Variants in NPM1 observed in about 807,000 individuals in gnomAD.
The protein encoded by NPM1 is nucleophosmin 1, also known as nucleophosmin.
NPM1 carries 1 observed loss-of-function variant against 44.1 expected under a neutral mutation model. The observed-to-expected ratio is 0.02, with a 90% CI of 0.01 to 0.11. The LOEUF (loss-of-function observed/expected upper bound fraction) is 0.11, where lower values mean the gene tolerates loss of function less well. Ranked by LOEUF, NPM1 falls within the 10% of genes least tolerant of loss-of-function variation. The pLI is 1.00. For synonymous variants in NPM1, 126 were observed against 111.8 expected (o/e 1.13, Z -0.80); for missense variants, 197 against 347.8 (o/e 0.57, Z 3.45).
chr5:171,389,025 AAC>A (rs1770431387), intron 1 of NPM1, among the ~76,000 whole-genome samples: 1 of 152,220 alleles, frequency 6.6e-6, no homozygotes, highest in Non-Finnish European at 1.5e-5. Context: ...AAATACAAGA[AAC>A]ACGTAGAGTG....
At chr5:171,397,220 A>T (rs1422400543) in intron 6 of NPM1, among the ~76,000 whole-genome samples, 1 of 152,190 alleles carries the variant, frequency 6.6e-6, no homozygotes, top group African/African-American at 2.4e-5. Context: ...ATGTTATAGC[A>T]TTATCAGTAC....
intron 8 of NPM1, among the ~76,000 whole-genome samples, chr5:171,401,802 A>C (rs1301543841): frequency 6.6e-6 from 1 of 152,188 alleles, no homozygotes. Context: ...GTCTGCATAG[A>C]GTAGAAGTTC....
At position 171,410,509 on chromosome 5, in the gene NPM1, CTTTT is replaced by C. The variant is rs34323200; in HGVS notation, c.847-8_847-5del. On this transcript the variant is annotated splice_polypyrimidine_tract_variant and intron_variant, in intron 10 of 10. Transcript: ENST00000296930. Reference sequence around the variant, plus strand: ...GTGTTGTGGTTCCTTAACCACATTTCTTTTTTTTTTTTTCCAGGCTATTCAAGAT... The same window carrying C: ...GTGTTGTGGTTCCTTAACCACATTTCTTTTTTTTTCCAGGCTATTCAAGAT... The C allele has an allele frequency of 9.8e-6, 12 of 1,230,116 alleles. No homozygotes were observed. Among genetic ancestry groups the C allele is most frequent in the Admixed American group, 6.8e-5 (3 of 43,858 alleles). 76.2% of individuals were successfully genotyped at this position (1,230,116 alleles called of 1,614,324 possible).
At chr5:171,407,629 A>G in intron 9 of NPM1, 71 bp from the exon 10 acceptor site, 1 of 866,674 alleles carries the variant, frequency 1.2e-6, no homozygotes, top group Non-Finnish European at 2.0e-6. Context: ...CAGATTATTG[A>G]GGAATTTTCT....
intron 10 of NPM1, among the ~76,000 whole-genome samples, chr5:171,409,211 G>C (rs1457289412): frequency 6.6e-6 from 1 of 152,184 alleles, no homozygotes; most frequent in East Asian, 1.9e-4. Flanking sequence ...AACTTGAATT[G>C]CTGTTACAGA....
chr5:171,389,337 A>C (rs1464874733), intron 1 of NPM1, among the ~76,000 whole-genome samples: 1 of 152,240 alleles, frequency 6.6e-6, no homozygotes, highest in African/African-American at 2.4e-5. Flanking sequence ...GAATCATTTA[A>C]AATTTTTATT....
intron 6 of NPM1, among the ~76,000 whole-genome samples, chr5:171,396,479 A>G (rs1770892509): frequency 6.6e-6 from 1 of 152,230 alleles, no homozygotes; most frequent in Non-Finnish European, 1.5e-5. Flanking sequence ...TTGAAGGGCT[A>G]TTTGTGACAG....
chr5:171,410,688 T>C lies in NPM1; in HGVS notation c.*123T>C, dbSNP rs1228891129. 1 of 587,024 alleles carries C rather than the reference T, an allele frequency of 1.7e-6. No homozygotes were observed. The highest frequency in any genetic ancestry group is 3.0e-6 in the Non-Finnish European group (1 of 338,268). 36.4% of individuals were successfully genotyped at this position (587,024 alleles called of 1,614,324 possible). A position where few individuals can be genotyped will look rare whatever the true frequency, so the allele number is the denominator to read the frequency against. ...CTTTCCCTACCGTGTTTGATAAATG[T>C]TGTCCAGGTTCTATTGCCAAGAATG... On this transcript the variant is annotated 3_prime_UTR_variant, in exon 11 of 11. Coordinates refer to ENST00000296930, the MANE Select transcript of NPM1 (RefSeq NM_002520.7).
intron 8 of NPM1, 111 bp downstream of exon 8, chr5:171,401,036 T>A: frequency 1.4e-6 from 1 of 731,072 alleles, no homozygotes; most frequent in South Asian, 1.6e-5. Flanking sequence ...AGAACCCCTG[T>A]AATTGCTGTT....
intron 9 of NPM1, chr5:171,407,358 A>G: frequency 1.1e-5 from 3 of 271,630 alleles, no homozygotes. Flanking sequence ...TATGGGTTGT[A>G]TTTGGTTCTG....
chr5:171,387,390 T>A (rs1770268097), upstream of NPM1, among the ~76,000 whole-genome samples: 1 of 152,234 alleles, frequency 6.6e-6, no homozygotes, highest in Non-Finnish European at 1.5e-5. Flanking sequence ...GTTTGGAGGC[T>A]TGCAGGGCAC....
At chr5:171,404,177 G>C (rs1276519349) in intron 8 of NPM1, among the ~76,000 whole-genome samples, 1 of 92,162 alleles carries the variant, frequency 1.1e-5, no homozygotes, top group South Asian at 4.5e-4. Context: ...CTGGCCGGTC[G>C]GGGGGGCTGA....
chr5:171,402,137 A>G (rs867503078), intron 8 of NPM1, among the ~76,000 whole-genome samples: 1 of 149,076 alleles, frequency 6.7e-6, no homozygotes, highest in Admixed American at 6.7e-5. Flanking sequence ...CATATAATCT[A>G]TTGACTAAAT....
At chr5:171,405,989 G>A (rs1192509162) in intron 9 of NPM1, among the ~76,000 whole-genome samples, 1 of 152,122 alleles carries the variant, frequency 6.6e-6, no homozygotes, top group East Asian at 1.9e-4. Flanking sequence ...TGGGAAGAGG[G>A]TTAGGTCTCT....
At position 171,409,305 on chromosome 5, in the gene NPM1, T is replaced by C. The variant is rs145997103; in HGVS notation, c.847-1222T>C. Among the ~76,000 whole-genome samples, 33 of 152,310 alleles carry C rather than the reference T, an allele frequency of 2.2e-4. No individual in the cohort carries two copies. The East Asian group carries it at 6.2e-3, about 28-fold the overall frequency. ...ACAATGTATATTTGTTTGAACCTGA[T>C]GATAAGATCTCTGGCTGGGCGTGGT... On this transcript the variant is annotated intron_variant, in intron 10 of 10. Transcript: ENST00000296930.
In NPM1 at chr5:171,392,920, G is replaced by T; in HGVS notation, c.466G>T (p.Val156Leu). Reference protein sequence around the residue: ...GGGSKVPQKKVKLAADEDDDD... With the variant: ...GGGSKVPQKKLKLAADEDDDD... ...GTATCTTTTCTTTTAAAAGAAAAAA[G>T]TAAAACTTGCTGCTGATGAAGATGA... The change falls in exon 6 of 11, where the codon GTA becomes TTA. Residue 156 changes from valine to leucine, a missense_variant. Transcript: ENST00000296930. 3 of 1,611,814 alleles carry T rather than the reference G, an allele frequency of 1.9e-6. No homozygotes were observed. Among genetic ancestry groups the T allele is most frequent in the Non-Finnish European group, 2.5e-6 (3 of 1,178,032 alleles).
At chr5:171,393,776 A>G (rs1770718000) in intron 6 of NPM1, among the ~76,000 whole-genome samples, 2 of 152,200 alleles carry the variant, frequency 1.3e-5, no homozygotes, top group South Asian at 2.1e-4. Flanking sequence ...GTTCTTCAAA[A>G]TCTTTGAGCA....
At chr5:171,407,677 TA>T in intron 9 of NPM1, 22 bp from the exon 10 acceptor site, 1 of 1,427,548 alleles carries the variant, frequency 7.0e-7, no homozygotes, top group Non-Finnish European at 9.9e-7. Context: ...TACTTACCTG[TA>T]ATAATGCTTT....
chr5:171,404,062 G>A (rs1258716134), intron 8 of NPM1, among the ~76,000 whole-genome samples: 3 of 67,108 alleles, frequency 4.5e-5, no homozygotes, highest in Admixed American at 2.4e-4. Context: ...CCTCCCGGAC[G>A]GGGCGGCTGG....
Sources: gnomAD v4.1 joint callset for allele counts (sites outside exome capture counted in the v4.1 genomes callset) on GRCh38, gnomAD v4.1.1 for gene constraint, MANE v1.5 for transcripts, NCBI Gene and HGNC (gene_info 2026-07-23, HGNC 2026-07-21) for gene names.